The following PCDH17 variants were observed in gnomAD, a reference collection of about 807,000 sequenced individuals.
PCDH17 encodes the protein protocadherin 17.
In PCDH17, 21 loss-of-function variants were observed where a neutral mutation model predicts 67.7. The observed-to-expected ratio is 0.31, with a 90% CI of 0.22 to 0.45. The LOEUF is 0.45. Ranked by LOEUF, PCDH17 falls within the 20% of genes least tolerant of loss-of-function variation. The pLI, the probability that PCDH17 is intolerant of heterozygous loss-of-function variation, is 1.00. For synonymous variants in PCDH17, 701 were observed against 656.7 expected (o/e 1.07, Z -1.03); for missense variants, 1,471 against 1,564.8 (o/e 0.94, Z 1.01).
chr13:57,664,466 A>G (rs1955224987), intron 1 of PCDH17, among the ~76,000 whole-genome samples: 1 of 152,186 alleles, frequency 6.6e-6, no homozygotes, highest in Non-Finnish European at 1.5e-5. Flanking sequence ...AAATATTTCT[A>G]GATACTGTTC....
At chr13:57,661,865 T>C (rs929003545) in intron 1 of PCDH17, among the ~76,000 whole-genome samples, 1 of 152,104 alleles carries the variant, frequency 6.6e-6, no homozygotes, top group Non-Finnish European at 1.5e-5. Context: ...GTAAGTCTTT[T>C]TGTTGTTGTC....
chr13:57,660,735 A>G (rs1465163071), intron 1 of PCDH17, among the ~76,000 whole-genome samples: 1 of 152,212 alleles, frequency 6.6e-6, no homozygotes, highest in Non-Finnish European at 1.5e-5. Flanking sequence ...CTGTGCCATA[A>G]TAGCTTTGCC....
chr13:57,646,734 C>T (rs567377525), intron 1 of PCDH17, among the ~76,000 whole-genome samples: 2 of 151,832 alleles, frequency 1.3e-5, no homozygotes, highest in South Asian at 2.1e-4. Flanking sequence ...ATTAAGCTAA[C>T]GGTATTAAAT....
chr13:57,633,958 G>C lies in PCDH17; in HGVS notation c.1412G>C (p.Arg471Pro), dbSNP rs1156309225. ...KILDENDNPP[R>P]FTKGLYVLQV... ...CTAGACGAGAACGACAACCCGCCTC[G>C]GTTCACCAAAGGGCTCTACGTGCTT... Residue 471 changes from arginine (R) to proline (P), a missense_variant, in exon 1 of 4, where the codon CGG (arginine) becomes CCG (proline). Around this residue, in one of 3 missense-constraint regions of PCDH17, gnomAD observed 1,163 missense variants for 1,230.0 expected, o/e 0.95. Coordinates refer to ENST00000377918, the MANE Select transcript of PCDH17 (RefSeq NM_001040429.3). The surrounding 1 kb of genome is among the most constrained non-coding windows in gnomAD (Gnocchi z 6.2). 2 of 1,613,428 alleles carry C rather than the reference G, an allele frequency of 1.2e-6. No individual in the cohort carries two copies. The highest frequency in any genetic ancestry group is 1.3e-5 in the African/African-American group (1 of 74,904).
At chr13:57,665,391 A>G (rs1431479385) in intron 1 of PCDH17, among the ~76,000 whole-genome samples, 3 of 152,124 alleles carry the variant, frequency 2.0e-5, no homozygotes, top group Non-Finnish European at 4.4e-5. Flanking sequence ...GAAAAAAAGA[A>G]TATCTTATTT....
At chr13:57,720,593 C>G (rs1955864408) in intron 3 of PCDH17, among the ~76,000 whole-genome samples, 1 of 151,746 alleles carries the variant, frequency 6.6e-6, no homozygotes, top group Admixed American at 6.6e-5. Context: ...ACCTGTATTT[C>G]TCTTATGGTA....
intron 3 of PCDH17, among the ~76,000 whole-genome samples, chr13:57,711,669 G>T (rs1258222230): frequency 1.3e-5 from 2 of 151,448 alleles, no homozygotes; most frequent in Non-Finnish European, 3.0e-5. Context: ...CTTCAATTTA[G>T]AATACAATTG....
Position 57,633,640 on chromosome 13 carries a change from C to G in PCDH17, c.1094C>G (p.Ala365Gly). The G allele has an allele frequency of 3.1e-6, 5 of 1,608,828 alleles. No individual in the cohort carries two copies. The highest frequency in any genetic ancestry group is 4.2e-6 in the Non-Finnish European group (5 of 1,180,000). The change falls in exon 1 of 4, where the codon GCC (alanine) becomes GGC (glycine). Residue 365 changes from alanine to glycine, a missense_variant. Physicochemically the swap from Ala to Gly is moderately conservative, Grantham distance 60 (BLOSUM62 0). Around this residue, in one of 3 missense-constraint regions of PCDH17, gnomAD observed 1,163 missense variants for 1,230.0 expected, o/e 0.95. Coordinates refer to ENST00000377918, the MANE Select transcript of PCDH17 (RefSeq NM_001040429.3). This position sits in a 1 kb window ranked among gnomAD's most constrained non-coding sequence, Gnocchi z 6.2. ...SVRQGALSEA[A>G]PPGTVIALVR... ...CGCCAGGGGGCGCTGAGCGAGGCCG[C>G]CCCTCCCGGCACCGTCATCGCCCTG... is the stretch of plus-strand genomic sequence containing the variant.
At chr13:57,635,219 A>G in intron 1 of PCDH17, 108 bp downstream of exon 1, 2 of 1,110,224 alleles carry the variant, frequency 1.8e-6, no homozygotes, top group Non-Finnish European at 2.6e-6. Context: ...GTGAGGGGGA[A>G]AAATAATTAA....
intron 3 of PCDH17, among the ~76,000 whole-genome samples, chr13:57,691,709 G>GT (rs1955560976): frequency 6.6e-6 from 1 of 151,136 alleles, no homozygotes; most frequent in South Asian, 2.1e-4. Flanking sequence ...GTAGAAATGG[G>GT]TAAGTTGAAA....
rs1163543232 is a variant in PCDH17, at chr13:57,666,476, T to A, written c.2574T>A (p.Asn858Lys). The change falls in exon 2 of 4, where the codon AAT becomes AAA. Residue 858 changes from asparagine (N) to lysine (K), a missense_variant. By Grantham distance (94) the Asn-to-Lys change is moderately conservative. Coordinates refer to ENST00000377918, the MANE Select transcript of PCDH17 (RefSeq NM_001040429.3). Reference sequence around the variant, plus strand: ...TTCCTTCTCTTTCACAGACAGACAATTTTCCCGCAGAGCCCAATTACATGG... The same window carrying A: ...TTCCTTCTCTTTCACAGACAGACAAATTTCCCGCAGAGCCCAATTACATGG... ...ATRMSIIQTD[N>K]FPAEPNYMGS... 1 of 1,613,632 alleles carries A rather than the reference T, an allele frequency of 6.2e-7. No individual in the cohort carries two copies. The highest frequency in any genetic ancestry group is 1.1e-5 in the South Asian group (1 of 91,074).
rs1861594461 is a variant in PCDH17, at chr13:57,725,016, A to C, written c.3202A>C (p.Ser1068Arg). The C allele has an allele frequency of 6.2e-7, 1 of 1,614,082 alleles. No individual in the cohort carries two copies. Among genetic ancestry groups the C allele is most frequent in the African/African-American group, 1.3e-5 (1 of 74,940 alleles). ...AAAACCAGGAGCCCTGGCTGAAGCA[A>C]GCAGTCAGTACTTGCCCACTGACAG... ...EAKPGALAEA[S>R]SQYLPTDSQY... The change falls in exon 4 of 4, where the codon AGC becomes CGC. Residue 1068 changes from serine to arginine, a missense_variant. Transcript: ENST00000377918.
chr13:57,692,162 T>C (rs950264828), intron 3 of PCDH17, among the ~76,000 whole-genome samples: 2 of 151,218 alleles, frequency 1.3e-5, no homozygotes, highest in Non-Finnish European at 3.0e-5. Flanking sequence ...ATATTTAGCA[T>C]TTCATGCCTT....
At chr13:57,687,427 G>T (rs1048311702) in intron 3 of PCDH17, among the ~76,000 whole-genome samples, 11 of 151,898 alleles carry the variant, frequency 7.2e-5, no homozygotes, top group Non-Finnish European at 1.0e-4. Context: ...GATGTGTTCA[G>T]ATTAGAAGTA....
intron 3 of PCDH17, among the ~76,000 whole-genome samples, chr13:57,713,790 T>A (rs865862937): frequency 6.6e-6 from 1 of 151,640 alleles, no homozygotes; most frequent in African/African-American, 2.4e-5. Context: ...AGTTTTTACA[T>A]TTTTGTTATA....
intron 3 of PCDH17, among the ~76,000 whole-genome samples, chr13:57,681,871 T>G (rs925193302): frequency 1.3e-5 from 2 of 151,818 alleles, no homozygotes; most frequent in Admixed American, 6.6e-5. Context: ...AGCATGAGTG[T>G]TATGTTTAGA....
At chr13:57,657,612 C>A (rs1405778409) in intron 1 of PCDH17, among the ~76,000 whole-genome samples, 1 of 152,172 alleles carries the variant, frequency 6.6e-6, no homozygotes, top group African/African-American at 2.4e-5. Context: ...TTAACACTCC[C>A]TTGTGTTCAG....
chr13:57,640,424 T>C (rs1954876802), intron 1 of PCDH17, among the ~76,000 whole-genome samples: 1 of 152,064 alleles, frequency 6.6e-6, no homozygotes. Flanking sequence ...TTCAATATAG[T>C]GTATGTAAGT....
chr13:57,672,204 C>T (rs1955331513), intron 3 of PCDH17, among the ~76,000 whole-genome samples: 3 of 151,980 alleles, frequency 2.0e-5, no homozygotes, highest in Admixed American at 6.6e-5. Flanking sequence ...TTAAGGATGG[C>T]CTTTTTTTCC....
Sources: allele counts gnomAD v4.1 joint callset (sites outside exome capture counted in the v4.1 genomes callset), GRCh38; gene constraint gnomAD v4.1.1; regional missense constraint gnomAD v4.1.1; non-coding constraint Gnocchi (gnomAD v3.1); transcripts MANE v1.5; gene names NCBI Gene and HGNC (gene_info 2026-07-23, HGNC 2026-07-21).